HECW1: variants seen among roughly 807,000 people sequenced by gnomAD.
The protein encoded by HECW1 is E3 ubiquitin-protein ligase HECW1.
Under a neutral mutation model 182.3 loss-of-function variants are expected in HECW1, and 61 were observed. The ratio of observed to expected loss-of-function variants is 0.33; its 90% CI spans 0.27 to 0.41. The LOEUF is 0.41. HECW1 is among the 10% of genes least tolerant of loss of function. The probability of loss-of-function intolerance (pLI) is 1.00; values close to 1 mark genes in which losing one functional copy is unlikely to be tolerated. For missense variants in HECW1, 1,739 were observed against 2,108.9 expected, an observed-to-expected ratio of 0.82 and a Z score of 3.44; for synonymous variants, 859 against 832.6, an observed-to-expected ratio of 1.03 and a Z score of -0.55.
At chr7:43,313,064 A>G (rs1209591262) in intron 4 of HECW1, among the ~76,000 whole-genome samples, 1 of 152,228 alleles carries the variant, frequency 6.6e-6, no homozygotes, top group Non-Finnish European at 1.5e-5. Context: ...CTGATAAAAT[A>G]AAAGGGATCT....
chr7:43,304,935 CAGG>C (rs1312436700), intron 3 of HECW1, among the ~76,000 whole-genome samples: 1 of 152,196 alleles, frequency 6.6e-6, no homozygotes, highest in Non-Finnish European at 1.5e-5. Flanking sequence ...AATAAGTTGA[CAGG>C]TAAGGCAGTT....
intron 5 of HECW1, among the ~76,000 whole-genome samples, chr7:43,329,993 G>A (rs550097879): frequency 1.1e-4 from 17 of 152,272 alleles, no homozygotes; most frequent in African/African-American, 4.1e-4. Context: ...GTGAGAAGAG[G>A]AGAGTTGAGG....
chr7:43,122,210 C>T (rs561447041), intron 2 of HECW1, among the ~76,000 whole-genome samples: 1 of 152,290 alleles, frequency 6.6e-6, no homozygotes, highest in South Asian at 2.1e-4. Context: ...GCAGAGCTTT[C>T]CCAGGTTCAC....
chr7:43,411,382 C>T (rs187963889), intron 8 of HECW1, among the ~76,000 whole-genome samples: 229 of 152,134 alleles, frequency 1.5e-3, no homozygotes, highest in Non-Finnish European at 2.3e-3. Context: ...TTTATCAAGC[C>T]ATGTTTTACA....
At position 43,456,334 on chromosome 7, in the gene HECW1, T is replaced by C. The variant is rs2077401714; in HGVS notation, c.2538T>C (p.Phe846=). The part of the protein sequence containing the change: ...EARIDSHGRV[F]YVDHVNRTTT... ...GAATTGACAGCCACGGGCGGGTCTT[T>C]TATGTGGACCACGTGAACCGCACAA... Residue 846 remains phenylalanine (F), a synonymous_variant, in exon 13 of 30, where the codon TTT becomes TTC. Coordinates refer to ENST00000395891, the MANE Select transcript of HECW1 (RefSeq NM_015052.5). The C allele has an allele frequency of 6.2e-7, 1 of 1,613,862 alleles. No homozygotes were observed. The highest frequency in any genetic ancestry group is 1.3e-5 in the African/African-American group (1 of 75,054).
chr7:43,445,116 C>G lies in HECW1; in HGVS notation c.1944C>G (p.Gly648=). The change falls in exon 11 of 30, where the codon GGC becomes GGG. Residue 648 remains glycine, a synonymous_variant. Transcript: ENST00000395891. ...PSLANGAAQD[G]DTHPSTGSES... The stretch of plus-strand genomic sequence containing the variant: ...TGGCCAATGGCGCGGCCCAGGATGG[C>G]GACACGCACCCCAGCACCGGGAGCG... 6.2e-7 allele frequency: 1 copy of G among 1,607,672 alleles called. No homozygotes were observed. Among genetic ancestry groups the G allele is most frequent in the Non-Finnish European group, 8.5e-7 (1 of 1,178,506 alleles).
At chr7:43,453,349 A>T (rs939627044) in intron 12 of HECW1, among the ~76,000 whole-genome samples, 3 of 152,146 alleles carry the variant, frequency 2.0e-5, no homozygotes, top group Non-Finnish European at 2.9e-5. Context: ...TTGGATATGG[A>T]TGTGAGAGAA....
At chr7:43,331,646 A>G (rs1811505159) in intron 5 of HECW1, among the ~76,000 whole-genome samples, 1 of 152,066 alleles carries the variant, frequency 6.6e-6, no homozygotes, top group African/African-American at 2.4e-5. Flanking sequence ...ACTGAGTGGA[A>G]TAGGCCATAA....
intron 2 of HECW1, among the ~76,000 whole-genome samples, chr7:43,234,422 C>A (rs1798131248): frequency 6.6e-6 from 1 of 152,158 alleles, no homozygotes; most frequent in Non-Finnish European, 1.5e-5. Flanking sequence ...CCCCTTGTGA[C>A]ATCCCCAGCT....
intron 2 of HECW1, among the ~76,000 whole-genome samples, chr7:43,164,998 C>T (rs1231897301): frequency 6.6e-6 from 1 of 152,114 alleles, no homozygotes; most frequent in Non-Finnish European, 1.5e-5. Flanking sequence ...CAGGGAATGC[C>T]CCTTTGTCTA....
intron 4 of HECW1, among the ~76,000 whole-genome samples, chr7:43,314,915 T>C (rs1258949313): frequency 6.6e-6 from 1 of 152,172 alleles, no homozygotes; most frequent in Non-Finnish European, 1.5e-5. Flanking sequence ...AATGAGGAGA[T>C]GTCGAATCAG....
chr7:43,237,044 G>A (rs1798415946), intron 2 of HECW1, among the ~76,000 whole-genome samples: 1 of 150,740 alleles, frequency 6.6e-6, no homozygotes, highest in Non-Finnish European at 1.5e-5. Flanking sequence ...AGACTATAAA[G>A]GTAAAGTGAA....
intron 2 of HECW1, among the ~76,000 whole-genome samples, chr7:43,171,304 C>T (rs1373333930): frequency 1.3e-5 from 2 of 152,188 alleles, no homozygotes; most frequent in Non-Finnish European, 2.9e-5. Context: ...GGCACATACA[C>T]ACACACACAC....
rs557150671 is a variant in HECW1 at position 43,530,699 on chromosome 7, C to T, written c.4020-10464C>T. On this transcript the variant is annotated intron_variant, in intron 24 of 29. Transcript: ENST00000395891. ...TATCAAAATACCTACTAGACATCTC[C>T]ACTTTGATCCTCCTCCAAGTTAATA... 1.4e-4 allele frequency among the ~76,000 whole-genome samples: 22 copies of T among 152,292 alleles called. 1 individual carries two copies. In the South Asian group the frequency reaches 1.7e-3, roughly 11 times the overall value.
At chr7:43,529,870 G>C (rs945448991) in intron 24 of HECW1, among the ~76,000 whole-genome samples, 2 of 152,078 alleles carry the variant, frequency 1.3e-5, no homozygotes, top group Non-Finnish European at 2.9e-5. Flanking sequence ...ATCGTCACCA[G>C]CACTGCCCTT....
chr7:43,536,603 A>G (rs2081186949), intron 24 of HECW1, among the ~76,000 whole-genome samples: 1 of 152,220 alleles, frequency 6.6e-6, no homozygotes, highest in African/African-American at 2.4e-5. Context: ...GGGAAACAGC[A>G]GAAAGCAGAT....
intron 3 of HECW1, among the ~76,000 whole-genome samples, chr7:43,251,153 G>T (rs1035978616): frequency 1.3e-5 from 2 of 152,242 alleles, no homozygotes; most frequent in African/African-American, 2.4e-5. Context: ...GGGCTGCAAG[G>T]GGTGGTGAAG....
chr7:43,393,874 C>T (rs191400811), intron 6 of HECW1, among the ~76,000 whole-genome samples: 2 of 152,070 alleles, frequency 1.3e-5, no homozygotes, highest in African/African-American at 4.8e-5. Context: ...GCATGAAATA[C>T]GCCATTTAAT....
At chr7:43,389,477 T>G (rs1276406397) in intron 6 of HECW1, among the ~76,000 whole-genome samples, 1 of 152,202 alleles carries the variant, frequency 6.6e-6, no homozygotes, top group Non-Finnish European at 1.5e-5. Flanking sequence ...TTTAGAACAG[T>G]CTGCACTACA....
Sources: gnomAD v4.1 joint callset for allele counts (sites outside exome capture counted in the v4.1 genomes callset) on GRCh38, gnomAD v4.1.1 for gene constraint, MANE v1.5 for transcripts, NCBI Gene and HGNC (gene_info 2026-07-23, HGNC 2026-07-21) for gene names.